RADIL: variants seen among roughly 807,000 people sequenced by gnomAD.
RADIL encodes the protein Rap associating with DIL domain, also known as ras-associating and dilute domain-containing protein.
In RADIL, 99 loss-of-function variants were observed where a neutral mutation model predicts 97.6. The ratio of observed to expected loss-of-function variants is 1.01; its 90% CI spans 0.86 to 1.20. RADIL has a LOEUF of 1.20. Ranked by LOEUF, RADIL falls within the 50% of genes most tolerant of loss-of-function variation. The probability of loss-of-function intolerance (pLI) is 0.00; values close to 1 mark genes in which losing one functional copy is unlikely to be tolerated. For synonymous variants in RADIL, 803 were observed against 691.8 expected (o/e 1.16, Z -2.52); for missense variants, 1,765 against 1,498.9 (o/e 1.18, Z -2.93).
chr7:4,857,193 CT>C (rs1449631562), intron 2 of RADIL, among the ~76,000 whole-genome samples: 1 of 152,200 alleles, frequency 6.6e-6, no homozygotes. Flanking sequence ...GTTCCTGATG[CT>C]GTAGGACTTC....
At chr7:4,833,147 A>C (rs1365076165) in intron 4 of RADIL, among the ~76,000 whole-genome samples, 1 of 152,202 alleles carries the variant, frequency 6.6e-6, no homozygotes, top group South Asian at 2.1e-4. Context: ...TGGCTGGGAC[A>C]CAGGCTGGGA....
rs1342539457 is a variant in RADIL, at chr7:4,834,748, G to A, written c.1275C>T (p.Ile425=). ...GCTTGTGGTCGTCGCCCCCCGGCTC[G>A]ATCAACGTCATGATCCTCTGCAGCA... ...DTLLQRIMTL[I]EPGGDDHKLT... Residue 425 remains isoleucine (I), a synonymous_variant, in exon 4 of 15, where the codon ATC becomes ATT. Transcript: ENST00000399583. This position sits in a 1 kb window ranked among gnomAD's most constrained non-coding sequence, Gnocchi z 6.0. 14 of 1,407,718 alleles carry A rather than the reference G, an allele frequency of 9.9e-6. No homozygotes were observed. Among genetic ancestry groups the A allele is most frequent in the East Asian group, 5.5e-5 (2 of 36,052 alleles). The allele number at this position is 1,407,718 out of a possible 1,614,324, so 87.2% of individuals were successfully genotyped here. A position where few individuals can be genotyped will look rare whatever the true frequency, so the allele number is the denominator to read the frequency against.
chr7:4,839,059 A>G (rs1783378287), intron 2 of RADIL, among the ~76,000 whole-genome samples: 1 of 152,258 alleles, frequency 6.6e-6, no homozygotes, highest in Non-Finnish European at 1.5e-5. Flanking sequence ...AGAGCTCTGC[A>G]GAGAGAAGAC....
chr7:4,868,690 T>G (rs1160726944), intron 2 of RADIL, among the ~76,000 whole-genome samples: 1 of 152,284 alleles, frequency 6.6e-6, no homozygotes, highest in African/African-American at 2.4e-5. Context: ...ACATCAGTTT[T>G]AGATATTGCA....
intron 2 of RADIL, among the ~76,000 whole-genome samples, chr7:4,875,147 G>A (rs199926039): frequency 2.2e-5 from 3 of 139,348 alleles, no homozygotes; most frequent in Admixed American, 6.8e-5. Context: ...AGCCGAGATT[G>A]TGCCACTGCA....
At position 4,800,267 on chromosome 7, in the gene RADIL, G is replaced by A. The variant is rs1782037450; in HGVS notation, c.2886C>T (p.Ser962=). The A allele has an allele frequency of 1.3e-6, 2 of 1,539,496 alleles. No homozygotes were observed. The highest frequency in any genetic ancestry group is 8.7e-7 in the Non-Finnish European group (1 of 1,145,734). The change falls in exon 13 of 15, where the codon TCC becomes TCT. Residue 962 remains serine, a synonymous_variant. Coordinates refer to ENST00000399583, the MANE Select transcript of RADIL (RefSeq NM_018059.5). The part of the protein sequence containing the change: ...ALAEESPPAP[S]SRSSSTEDFC... ...AGTCCTCGGTGCTGGAGCTGCGGCT[G>A]GACGGGGCTGGAGGGGACTCCTCCG...
intron 5 of RADIL, among the ~76,000 whole-genome samples, chr7:4,830,587 C>A (rs189122728): frequency 4.3e-4 from 65 of 152,246 alleles, no homozygotes; most frequent in African/African-American, 1.5e-3. Context: ...CATAAAAAAG[C>A]ACGACATCAG....
At position 4,834,705 on chromosome 7, in the gene RADIL, G is replaced by A; in HGVS notation, c.1318C>T (p.Leu440=). The A allele has an allele frequency of 1.4e-6, 2 of 1,408,340 alleles. No homozygotes were observed. Among genetic ancestry groups the A allele is most frequent in the Non-Finnish European group, 9.3e-7 (1 of 1,074,698 alleles). The allele number at this position is 1,408,340 out of a possible 1,614,324, so 87.2% of individuals were successfully genotyped here. Residue 440 remains leucine, a synonymous_variant, in exon 4 of 15, where the codon CTG becomes TTG. Transcript: ENST00000399583. This position sits in a 1 kb window ranked among gnomAD's most constrained non-coding sequence, Gnocchi z 6.0. ...GCCGAGTGCTGGATGCAGAGGCACAGGAGGAAGGCGGGGGTCAGCTTGTGG... is the reference window on the plus strand; with the variant it reads ...GCCGAGTGCTGGATGCAGAGGCACAAGAGGAAGGCGGGGGTCAGCTTGTGG... ...DDHKLTPAFL[L]CLCIQHSATH...
At chr7:4,876,314 A>G (rs1249320143) in intron 2 of RADIL, among the ~76,000 whole-genome samples, 2 of 151,246 alleles carry the variant, frequency 1.3e-5, no homozygotes, top group African/African-American at 4.9e-5. Context: ...ATTTATTTAT[A>G]TTTGAGACTG....
At chr7:4,825,908 A>AC (rs760101468) in intron 5 of RADIL, among the ~76,000 whole-genome samples, 1,800 of 145,054 alleles carry the variant, frequency 0.012, 16 homozygotes, top group Non-Finnish European at 0.019. Context: ...AAAAAAAAAA[A>AC]GGGAAATGAA....
At position 4,872,154 on chromosome 7, in the gene RADIL, G is replaced by T. The variant is rs1219782352; in HGVS notation, c.535+5451C>A. 1.3e-5 allele frequency among the ~76,000 whole-genome samples: 2 copies of T among 152,158 alleles called. No individual in the cohort carries two copies. The highest frequency in any genetic ancestry group is 2.9e-5 in the Non-Finnish European group (2 of 68,026). Reference sequence around the variant, plus strand: ...ATATGGTCCCAGTGGGCAGGGGCTCGTGTGGCCGAGTCCAGGCAGCCAGGT... The same window carrying T: ...ATATGGTCCCAGTGGGCAGGGGCTCTTGTGGCCGAGTCCAGGCAGCCAGGT... On this transcript the variant is annotated intron_variant, in intron 2 of 14. Transcript: ENST00000399583. This position sits in a 1 kb window ranked among gnomAD's most constrained non-coding sequence, Gnocchi z 5.8.
rs1454582549 is a variant in RADIL, at chr7:4,808,519, A to T, written c.2140-2803T>A. The T allele has an allele frequency of 3.2e-6, 3 of 942,264 alleles. No homozygotes were observed. In the Admixed American group the frequency reaches 1.9e-4, roughly 58 times the overall value. 58.4% of individuals were successfully genotyped at this position (942,264 alleles called of 1,614,324 possible). A position where few individuals can be genotyped will look rare whatever the true frequency, so the allele number is the denominator to read the frequency against. On this transcript the variant is annotated intron_variant, in intron 9 of 14. Transcript: ENST00000399583. ...GCTAGAAATGGTTTTCACGTTTTTA[A>T]AGGGTTTGAGAAAAACAAAACAAAG...
intron 2 of RADIL, among the ~76,000 whole-genome samples, chr7:4,850,422 A>G (rs1012918137): frequency 5.9e-5 from 9 of 152,180 alleles, no homozygotes; most frequent in African/African-American, 2.2e-4. Context: ...GATTCTGCAG[A>G]TATAATTAAG....
intron 2 of RADIL, among the ~76,000 whole-genome samples, chr7:4,871,200 G>A (rs1784245740): frequency 1.3e-5 from 2 of 152,268 alleles, no homozygotes; most frequent in South Asian, 4.1e-4. Flanking sequence ...TCCCAGTTAA[G>A]TGGCAGTGAG....
intron 5 of RADIL, among the ~76,000 whole-genome samples, chr7:4,827,617 T>A (rs544063320): frequency 2.6e-5 from 4 of 152,220 alleles, no homozygotes; most frequent in East Asian, 1.9e-4. Context: ...GCCGAGATCG[T>A]GCCACTGTAC....
At chr7:4,868,095 C>A (rs1334171835) in intron 2 of RADIL, among the ~76,000 whole-genome samples, 2 of 152,070 alleles carry the variant, frequency 1.3e-5, no homozygotes, top group African/African-American at 4.8e-5. Flanking sequence ...TGGAGTCTCA[C>A]TGTGTCGCCC....
In RADIL at chr7:4,854,424, TG is replaced by T. The variant is rs1783779423; in HGVS notation, c.536-17820del. The stretch of plus-strand genomic sequence containing the variant: ...GGTTACCACTTTGGGCCGGGCGCGG[TG>T]GCTCACGCCTGTAATCCCAGCACGT... On this transcript the variant is annotated intron_variant, in intron 2 of 14. Transcript: ENST00000399583. The surrounding 1 kb of genome is among the most constrained non-coding windows in gnomAD (Gnocchi z 5.1). Among the ~76,000 whole-genome samples the T allele has an allele frequency of 6.6e-6, 1 of 152,200 alleles. No individual in the cohort carries two copies. Among genetic ancestry groups the T allele is most frequent in the African/African-American group, 2.4e-5 (1 of 41,446 alleles).
chr7:4,860,465 T>C, intron 2 of RADIL: 2 of 1,614,166 alleles, frequency 1.2e-6, no homozygotes, highest in Non-Finnish European at 1.7e-6. Flanking sequence ...AATTTCAGAA[T>C]TATCTGGCTT....
intron 2 of RADIL, chr7:4,860,442 G>T: frequency 1.2e-6 from 2 of 1,614,160 alleles, no homozygotes; most frequent in Non-Finnish European, 1.7e-6. Context: ...TCATAGGTGA[G>T]ATCAATGCTG....
Sources: gnomAD v4.1 joint callset for allele counts (sites outside exome capture counted in the v4.1 genomes callset) on GRCh38, gnomAD v4.1.1 for gene constraint, Gnocchi (gnomAD v3.1) non-coding constraint, MANE v1.5 for transcripts, NCBI Gene and HGNC (gene_info 2026-07-23, HGNC 2026-07-21) for gene names.